The following LRRTM4 variants were observed in gnomAD, a reference collection of about 807,000 sequenced individuals.
LRRTM4 encodes leucine-rich repeat transmembrane neuronal protein 4.
LRRTM4 carries 25 observed loss-of-function variants against 47.6 expected under a neutral mutation model. That is an observed-to-expected ratio of 0.53 (90% CI 0.38 to 0.73). LRRTM4 has a LOEUF of 0.73. LRRTM4 is among the 30% of genes least tolerant of loss of function. The pLI, the probability that LRRTM4 is intolerant of heterozygous loss-of-function variation, is 0.00. For synonymous variants in LRRTM4, 311 were observed against 269.5 expected, an observed-to-expected ratio of 1.15 and a Z score of -1.51; for missense variants, 638 against 713.4, an observed-to-expected ratio of 0.89 and a Z score of 1.20.
chr2:77,191,392 CTG>C (rs2103879267), intron 3 of LRRTM4, among the ~76,000 whole-genome samples: 2 of 151,990 alleles, frequency 1.3e-5, no homozygotes, highest in South Asian at 4.2e-4. Context: ...TACATAAAAA[CTG>C]TCTCAATAAA....
intron 3 of LRRTM4, among the ~76,000 whole-genome samples, chr2:76,834,132 C>T (rs1007142112): frequency 1.2e-4 from 18 of 151,664 alleles, no homozygotes; most frequent in Admixed American, 9.2e-4. Context: ...CCTCTCCCTC[C>T]CGGGTTCAAG....
At chr2:77,216,393 G>A (rs1346139418) in intron 3 of LRRTM4, among the ~76,000 whole-genome samples, 3 of 152,124 alleles carry the variant, frequency 2.0e-5, no homozygotes, top group South Asian at 2.1e-4. Flanking sequence ...TGGGCCGGGC[G>A]CGGTAGCTCA....
At chr2:77,156,043 A>T (rs1394690488) in intron 3 of LRRTM4, among the ~76,000 whole-genome samples, 1 of 152,102 alleles carries the variant, frequency 6.6e-6, no homozygotes. Flanking sequence ...AATTTATTTT[A>T]AAAAAATTAA....
intron 3 of LRRTM4, among the ~76,000 whole-genome samples, chr2:77,010,376 T>C (rs1370679002): frequency 6.6e-6 from 1 of 152,024 alleles, no homozygotes; most frequent in East Asian, 1.9e-4. Context: ...GTAAATGAGA[T>C]TATGCAATAT....
intron 3 of LRRTM4, among the ~76,000 whole-genome samples, chr2:77,239,943 T>G (rs1280062881): frequency 1.3e-5 from 2 of 151,940 alleles, no homozygotes; most frequent in Non-Finnish European, 2.9e-5. Flanking sequence ...TTCTAATTGA[T>G]GTTTACAGAA....
At chr2:76,928,218 A>G (rs767864752) in intron 3 of LRRTM4, among the ~76,000 whole-genome samples, 1 of 152,212 alleles carries the variant, frequency 6.6e-6, no homozygotes, top group Non-Finnish European at 1.5e-5. Context: ...GATGTTTAAA[A>G]TCCTTTAAAA....
chr2:77,159,537 G>GA (rs1291349431), intron 3 of LRRTM4, among the ~76,000 whole-genome samples: 11 of 141,076 alleles, frequency 7.8e-5, no homozygotes, highest in Admixed American at 2.1e-4. Flanking sequence ...AAAAAAAAAA[G>GA]AAAAAAAAAG....
intron 3 of LRRTM4, among the ~76,000 whole-genome samples, chr2:77,496,690 A>C (rs1678377218): frequency 6.6e-6 from 1 of 151,770 alleles, no homozygotes; most frequent in African/African-American, 2.4e-5. Flanking sequence ...TATGACTGAT[A>C]AAATGTGTAT....
intron 3 of LRRTM4, among the ~76,000 whole-genome samples, chr2:77,492,413 C>T (rs1039321721): frequency 6.6e-6 from 1 of 152,088 alleles, no homozygotes; most frequent in Non-Finnish European, 1.5e-5. Context: ...CACATGCCAT[C>T]ACGCCTGGCT....
rs1310635703 is a variant in LRRTM4 at position 77,244,022 on chromosome 2, T to G, written c.1551+274296A>C. On this transcript the variant is annotated intron_variant, in intron 3 of 3. Transcript: ENST00000409884. ...ACCTATGAGTGAGAATATGCGGTGT[T>G]TGGTTTTTTGTTCTTGCGATAGTTT... Among the ~76,000 whole-genome samples the G allele has an allele frequency of 1.6e-4, 21 of 129,184 alleles. 1 individual carries two copies. The East Asian group carries it at 2.1e-3, about 13-fold the overall frequency. The allele number at this position is 129,184 out of a possible 152,430, so 84.7% of individuals were successfully genotyped here.
chr2:76,840,333 G>A (rs747483374), intron 3 of LRRTM4, among the ~76,000 whole-genome samples: 4 of 152,176 alleles, frequency 2.6e-5, no homozygotes, highest in Non-Finnish European at 4.4e-5. Context: ...ATCCTCTCAG[G>A]AGCTGTCTTC....
At chr2:77,348,663 T>C (rs13018593) in intron 3 of LRRTM4, among the ~76,000 whole-genome samples, 72,984 of 150,108 alleles carry the variant, frequency 0.49, 20,653 homozygotes, top group Non-Finnish European at 0.63. Flanking sequence ...ATTTTGCTTA[T>C]ATATAATCTT....
At chr2:77,115,783 G>C (rs1023330647) in intron 3 of LRRTM4, among the ~76,000 whole-genome samples, 1 of 152,008 alleles carries the variant, frequency 6.6e-6, no homozygotes, top group African/African-American at 2.4e-5. Flanking sequence ...GATATCTATA[G>C]ACTTCCTTGA....
At chr2:77,316,444 A>T (rs1260103183) in intron 3 of LRRTM4, among the ~76,000 whole-genome samples, 1 of 152,210 alleles carries the variant, frequency 6.6e-6, no homozygotes, top group Non-Finnish European at 1.5e-5. Flanking sequence ...TAAACAATCC[A>T]TGTGACATAG....
Position 77,519,532 on chromosome 2 carries a change from C to T in LRRTM4, c.337G>A (p.Glu113Lys), listed in dbSNP as rs1484615851. 4 of 1,613,410 alleles carry T rather than the reference C, an allele frequency of 2.5e-6. No individual in the cohort carries two copies. The highest frequency in any genetic ancestry group is 3.4e-6 in the Non-Finnish European group (4 of 1,179,624). ...DAFQGIRRLK[E>K]LILSSNKITY... Reference sequence around the variant, plus strand: ...ATTTTGTTGGAGCTTAGAATTAATTCTTTCAGTCTACGGATCCCTTGAAAT... The same window carrying T: ...ATTTTGTTGGAGCTTAGAATTAATTTTTTCAGTCTACGGATCCCTTGAAAT... The change falls in exon 3 of 4, where the codon GAA becomes AAA. Residue 113 changes from glutamate (E) to lysine (K), a missense_variant. Physicochemically the swap from Glu to Lys is moderately conservative, Grantham distance 56. Transcript: ENST00000409884. This position sits in a 1 kb window ranked among gnomAD's most constrained non-coding sequence, Gnocchi z 4.6.
At chr2:77,372,689 G>T (rs992522226) in intron 3 of LRRTM4, among the ~76,000 whole-genome samples, 2 of 151,660 alleles carry the variant, frequency 1.3e-5, no homozygotes, top group African/African-American at 4.8e-5. Context: ...ACATACAAAT[G>T]GACCTTCATG....
intron 3 of LRRTM4, among the ~76,000 whole-genome samples, chr2:76,903,097 C>A (rs1673697911): frequency 6.6e-6 from 1 of 152,136 alleles, no homozygotes; most frequent in African/African-American, 2.4e-5. Flanking sequence ...ACTGGCCTGG[C>A]ACAGTGGCTC....
chr2:77,275,282 A>G (rs1676313752), intron 3 of LRRTM4, among the ~76,000 whole-genome samples: 1 of 152,132 alleles, frequency 6.6e-6, no homozygotes, highest in Non-Finnish European at 1.5e-5. Flanking sequence ...CTAGAGTATA[A>G]AATCCTATAA....
intron 3 of LRRTM4, among the ~76,000 whole-genome samples, chr2:77,313,368 C>A (rs1202361021): frequency 6.9e-6 from 1 of 145,336 alleles, no homozygotes; most frequent in African/African-American, 2.5e-5. Context: ...GCCTCCCTAC[C>A]CTTCCCTGGG....
Sources: allele counts gnomAD v4.1 joint callset (sites outside exome capture counted in the v4.1 genomes callset), GRCh38; gene constraint gnomAD v4.1.1; non-coding constraint Gnocchi (gnomAD v3.1); transcripts MANE v1.5; gene names NCBI Gene and HGNC (gene_info 2026-07-23, HGNC 2026-07-21).